DCX: variants seen among roughly 807,000 people sequenced by gnomAD.
The protein encoded by DCX is neuronal migration protein doublecortin.
In DCX, 4 loss-of-function variants were observed where a neutral mutation model predicts 20.9. That is an observed-to-expected ratio of 0.19 (90% CI 0.09 to 0.44). The LOEUF (loss-of-function observed/expected upper bound fraction) is 0.44, where lower values mean the gene tolerates loss of function less well. Ranked by LOEUF, DCX falls within the 20% of genes least tolerant of loss-of-function variation. The probability of loss-of-function intolerance (pLI) is 0.99; values close to 1 mark genes in which losing one functional copy is unlikely to be tolerated. For synonymous variants in DCX, 103 were observed against 111.4 expected (o/e 0.92, Z 0.47); for missense variants, 133 against 296.9 (o/e 0.45, Z 4.06).
rs41300894 is a variant in DCX at position 111,293,833 on chromosome X, T to C, written c.*7854A>G. On this transcript the variant is annotated 3_prime_UTR_variant, in exon 7 of 7. Coordinates refer to ENST00000636035, the MANE Select transcript of DCX (RefSeq NM_001195553.2). Reference sequence around the variant, plus strand: ...TGACATTACACACATCTTGCAAATGTACACAGAAATGAGAATGCGATGAAG... The same window carrying C: ...TGACATTACACACATCTTGCAAATGCACACAGAAATGAGAATGCGATGAAG... 1,011 of 113,237 alleles carry C rather than the reference T, an allele frequency of 8.9e-3. 7 individuals carry two copies. Among genetic ancestry groups the C allele is most frequent in the Middle Eastern group, 0.023 (5 of 216 alleles). The allele number at this position is 113,237 out of a possible 1,213,427, so 9.3% of individuals were successfully genotyped here. A position where few individuals can be genotyped will look rare whatever the true frequency, so the allele number is the denominator to read the frequency against.
chrX:111,350,984 A>T (rs1167134164), intron 3 of DCX, among the ~76,000 whole-genome samples: 2 of 111,907 alleles, frequency 1.8e-5, no homozygotes, highest in African/African-American at 6.5e-5. Context: ...TGTGAGACTT[A>T]TTCACTACCA....
At chrX:111,364,060 T>C (rs1240631176) in intron 3 of DCX, among the ~76,000 whole-genome samples, 1 of 112,046 alleles carries the variant, frequency 8.9e-6, no homozygotes, top group African/African-American at 3.2e-5. Flanking sequence ...AGAAACATAG[T>C]GCAGTGGTGG....
chrX:111,365,174 C>T (rs1280190573), intron 3 of DCX, among the ~76,000 whole-genome samples: 1 of 109,637 alleles, frequency 9.1e-6, no homozygotes, highest in Non-Finnish European at 1.9e-5. Flanking sequence ...CCTGCCTCCA[C>T]CTCCCAAAGT....
chrX:111,371,491 G>T (rs1381600908), intron 3 of DCX, among the ~76,000 whole-genome samples: 1 of 111,678 alleles, frequency 9.0e-6, no homozygotes, highest in Non-Finnish European at 1.9e-5. Context: ...TTTAGGCAAG[G>T]TAACCTGTGA....
intron 3 of DCX, among the ~76,000 whole-genome samples, chrX:111,367,448 G>T (rs1428207936): frequency 8.9e-6 from 1 of 111,982 alleles, no homozygotes; most frequent in African/African-American, 3.3e-5. Context: ...TCAGTCAGAG[G>T]AGTTTCCACA....
intron 3 of DCX, among the ~76,000 whole-genome samples, chrX:111,358,835 G>C (rs907595852): frequency 8.9e-6 from 1 of 111,753 alleles, no homozygotes; most frequent in African/African-American, 3.2e-5. Flanking sequence ...CTATGAAAAA[G>C]TATCACAGTC....
At chrX:111,329,759 G>A (rs1921030097) in intron 5 of DCX, among the ~76,000 whole-genome samples, 1 of 111,652 alleles carries the variant, frequency 9.0e-6, no homozygotes, top group Non-Finnish European at 1.9e-5. Flanking sequence ...TAATATGCAT[G>A]CTCCTGGCAG....
chrX:111,327,130 C>G (rs998281416), intron 5 of DCX, among the ~76,000 whole-genome samples: 1 of 111,910 alleles, frequency 8.9e-6, no homozygotes, highest in Non-Finnish European at 1.9e-5. Flanking sequence ...TTTCTTTTGT[C>G]TTCAAAGGAA....
chrX:111,365,240 T>C (rs1924523737), intron 3 of DCX, among the ~76,000 whole-genome samples: 1 of 109,877 alleles, frequency 9.1e-6, no homozygotes, highest in Admixed American at 9.8e-5. Flanking sequence ...TGTGATACTG[T>C]AATATTTTAT....
intron 3 of DCX, among the ~76,000 whole-genome samples, chrX:111,334,890 A>G (rs763320854): frequency 2.7e-5 from 3 of 111,790 alleles, no homozygotes; most frequent in African/African-American, 6.5e-5. Context: ...CCATGTCCAA[A>G]TGACCCTAGT....
chrX:111,392,539 C>A (rs188695264), intron 3 of DCX, among the ~76,000 whole-genome samples: 30 of 111,076 alleles, frequency 2.7e-4, no homozygotes, highest in African/African-American at 9.8e-4. Flanking sequence ...GTGAAAGAAG[C>A]TAGTCACTTA....
At chrX:111,397,646 C>T (rs960354362) in intron 3 of DCX, among the ~76,000 whole-genome samples, 4 of 111,599 alleles carry the variant, frequency 3.6e-5, no homozygotes, top group Non-Finnish European at 5.6e-5. Context: ...AACAAAACAA[C>T]GTTTAATTTG....
intron 3 of DCX, among the ~76,000 whole-genome samples, chrX:111,350,064 G>A (rs1220500392): frequency 8.9e-6 from 1 of 111,971 alleles, no homozygotes; most frequent in East Asian, 2.8e-4. Flanking sequence ...ATGACCTTCA[G>A]TCAAGGAATG....
At chrX:111,334,650 A>G (rs1164511970) in intron 3 of DCX, among the ~76,000 whole-genome samples, 1 of 112,371 alleles carries the variant, frequency 8.9e-6, no homozygotes, top group African/African-American at 3.2e-5. Flanking sequence ...ATGAAGCCAA[A>G]TAAACACAGA....
chrX:111,345,265 T>C (rs1371313500), intron 3 of DCX, among the ~76,000 whole-genome samples: 1 of 111,978 alleles, frequency 8.9e-6, no homozygotes, highest in Non-Finnish European at 1.9e-5. Context: ...AAAACTTAAA[T>C]GTAAAACCCA....
At chrX:111,380,622 T>C (rs1925893399) in intron 3 of DCX, among the ~76,000 whole-genome samples, 1 of 111,266 alleles carries the variant, frequency 9.0e-6, no homozygotes, top group South Asian at 3.8e-4. Flanking sequence ...TTTTTTTCAA[T>C]ATTGTTTTTG....
chrX:111,338,696 C>CT (rs200133621), intron 3 of DCX, among the ~76,000 whole-genome samples: 1,121 of 94,093 alleles, frequency 0.012, 9 homozygotes, highest in African/African-American at 0.028. Flanking sequence ...TCTGTAGTGC[C>CT]TTTTTTTTTT....
intron 3 of DCX, among the ~76,000 whole-genome samples, chrX:111,341,550 A>G (rs978104692): frequency 1.8e-5 from 2 of 110,976 alleles, no homozygotes; most frequent in African/African-American, 6.6e-5. Context: ...CCATGAGAAG[A>G]TCAACCCCAA....
intron 2 of DCX, among the ~76,000 whole-genome samples, chrX:111,407,802 G>GCACACA (rs34206475): frequency 0.044 from 3,927 of 90,211 alleles, 95 homozygotes; most frequent in Middle Eastern, 0.062. Flanking sequence ...ACATCAATAC[G>GCACACA]CACACACACA....
Sources: allele counts gnomAD v4.1 joint callset (sites outside exome capture counted in the v4.1 genomes callset), GRCh38; gene constraint gnomAD v4.1.1; transcripts MANE v1.5; gene names NCBI Gene and HGNC (gene_info 2026-07-23, HGNC 2026-07-21).